KCNIP4: variants seen among roughly 807,000 people sequenced by gnomAD.
The protein encoded by KCNIP4 is Kv channel-interacting protein 4.
A neutral mutation model predicts 34.0 loss-of-function variants in KCNIP4; 12 were observed. The ratio of observed to expected loss-of-function variants is 0.35; its 90% CI spans 0.23 to 0.57. The LOEUF is 0.57. KCNIP4 is among the 20% of genes least tolerant of loss of function. KCNIP4 has a pLI of 0.83. For missense variants in KCNIP4, 238 were observed against 311.7 expected (o/e 0.76, Z 1.78); for synonymous variants, 124 against 102.2 (o/e 1.21, Z -1.29).
intron 1 of KCNIP4, among the ~76,000 whole-genome samples, chr4:21,569,400 A>T (rs1740189100): frequency 6.6e-6 from 1 of 151,996 alleles, no homozygotes; most frequent in South Asian, 2.1e-4. Context: ...AGTGCTAGTG[A>T]AAGAATTATA....
At chr4:21,789,045 C>G (rs1197855294) in intron 1 of KCNIP4, among the ~76,000 whole-genome samples, 1 of 136,632 alleles carries the variant, frequency 7.3e-6, no homozygotes, top group East Asian at 2.1e-4. Context: ...TGCACTCCAG[C>G]CTGGGCAACA....
intron 2 of KCNIP4, among the ~76,000 whole-genome samples, chr4:20,851,896 G>T (rs1490634025): frequency 6.6e-6 from 1 of 152,090 alleles, no homozygotes; most frequent in African/African-American, 2.4e-5. Context: ...CAGATATTTT[G>T]CACAGCTACT....
intron 1 of KCNIP4, among the ~76,000 whole-genome samples, chr4:21,147,974 A>G (rs1444454343): frequency 6.7e-6 from 1 of 149,520 alleles, no homozygotes; most frequent in African/African-American, 2.5e-5. Context: ...AAAAAGTTCA[A>G]GTACTTTGGG....
chr4:21,084,722 C>G lies in KCNIP4; in HGVS notation c.62-202013G>C, dbSNP rs981791018. ...CATCCCCAGTATTGTGGCTCCCCTCCCATCCCTATTTAGATCCTCATCTCT... is the reference window on the plus strand; with the variant it reads ...CATCCCCAGTATTGTGGCTCCCCTCGCATCCCTATTTAGATCCTCATCTCT... On this transcript the variant is annotated intron_variant, in intron 1 of 8. Transcript: ENST00000382152. Among the ~76,000 whole-genome samples, 11 of 151,002 alleles carry G rather than the reference C, an allele frequency of 7.3e-5. 1 individual carries two copies. The highest frequency in any genetic ancestry group is 4.0e-4 in the Admixed American group (6 of 15,120).
rs537192563 is a variant in KCNIP4 at position 21,483,648 on chromosome 4, G to C, written c.61+464923C>G. 3.9e-5 allele frequency among the ~76,000 whole-genome samples: 6 copies of C among 152,188 alleles called. No homozygotes were observed. In the East Asian group the frequency reaches 1.2e-3, roughly 30 times the overall value. On this transcript the variant is annotated intron_variant, in intron 1 of 8. Transcript: ENST00000382152. Reference sequence around the variant, plus strand: ...ACTAAAAATAAAAAAAAATTAGCCAGGTGTGGTGGCACGCACCTGTAATCC... The same window carrying C: ...ACTAAAAATAAAAAAAAATTAGCCACGTGTGGTGGCACGCACCTGTAATCC...
intron 1 of KCNIP4, among the ~76,000 whole-genome samples, chr4:21,606,135 T>TG: frequency 6.6e-6 from 1 of 152,184 alleles, no homozygotes; most frequent in African/African-American, 2.4e-5. Flanking sequence ...GAGGGGAGCT[T>TG]GGGGTGGTGG....
At chr4:21,651,446 C>T (rs1016963265) in intron 1 of KCNIP4, among the ~76,000 whole-genome samples, 3 of 152,176 alleles carry the variant, frequency 2.0e-5, no homozygotes, top group African/African-American at 7.2e-5. Context: ...ATTGTTAATA[C>T]TCCATCTCAC....
intron 1 of KCNIP4, among the ~76,000 whole-genome samples, chr4:21,211,485 A>G (rs1294319801): frequency 6.6e-6 from 1 of 152,092 alleles, no homozygotes; most frequent in Non-Finnish European, 1.5e-5. Context: ...TCCAGGTTGC[A>G]TGCTCCTTAT....
rs897301623 is a variant in KCNIP4, at chr4:21,142,941, G to C, written c.62-260232C>G. On this transcript the variant is annotated intron_variant, in intron 1 of 8. Transcript: ENST00000382152. ...GTTTAGTTCATATCTATATAACATA[G>C]AGAAGTGTGGATCCTGCAAACTAAG... Among the ~76,000 whole-genome samples, 7 of 152,212 alleles carry C rather than the reference G, an allele frequency of 4.6e-5. No homozygotes were observed. In the East Asian group the frequency reaches 5.8e-4, roughly 13 times the overall value.
chr4:21,704,746 T>C (rs554444007), intron 1 of KCNIP4, among the ~76,000 whole-genome samples: 8 of 152,224 alleles, frequency 5.3e-5, no homozygotes, highest in African/African-American at 1.9e-4. Context: ...AAAAACTGGA[T>C]CACTCATACA....
chr4:21,735,887 C>T (rs969038665), intron 1 of KCNIP4, among the ~76,000 whole-genome samples: 1 of 152,200 alleles, frequency 6.6e-6, no homozygotes, highest in Non-Finnish European at 1.5e-5. Context: ...CTAATGAGAG[C>T]TCTTCACCTA....
intron 1 of KCNIP4, among the ~76,000 whole-genome samples, chr4:21,587,349 A>G (rs1741706691): frequency 6.6e-6 from 1 of 152,062 alleles, no homozygotes; most frequent in Non-Finnish European, 1.5e-5. Context: ...TAAGGGATAT[A>G]AAAACACCAC....
intron 1 of KCNIP4, among the ~76,000 whole-genome samples, chr4:21,078,319 T>C (rs1050292182): frequency 2.6e-5 from 4 of 152,118 alleles, no homozygotes; most frequent in African/African-American, 7.2e-5. Flanking sequence ...ACAAACATTA[T>C]GCTGAGTGGT....
At chr4:21,438,116 A>C (rs1210356309) in intron 1 of KCNIP4, among the ~76,000 whole-genome samples, 1 of 152,114 alleles carries the variant, frequency 6.6e-6, no homozygotes, top group Non-Finnish European at 1.5e-5. Flanking sequence ...TTAAAGGCAA[A>C]GTTTCTGTCT....
intron 3 of KCNIP4, among the ~76,000 whole-genome samples, chr4:20,764,553 T>C (rs563314602): frequency 6.6e-5 from 10 of 152,242 alleles, no homozygotes; most frequent in East Asian, 3.9e-4. Flanking sequence ...GTTTAAACCA[T>C]TGAAAGCTCT....
chr4:21,097,492 G>A (rs2109059664), intron 1 of KCNIP4, among the ~76,000 whole-genome samples: 1 of 152,230 alleles, frequency 6.6e-6, no homozygotes, highest in Middle Eastern at 3.4e-3. Flanking sequence ...TGAACAGCAT[G>A]TGCTCATTTA....
intron 1 of KCNIP4, among the ~76,000 whole-genome samples, chr4:21,474,909 G>A (rs1730805451): frequency 6.7e-6 from 1 of 149,842 alleles, no homozygotes; most frequent in African/African-American, 2.5e-5. Flanking sequence ...GCTGAGGCAG[G>A]ACAATCGCTT....
intron 1 of KCNIP4, among the ~76,000 whole-genome samples, chr4:21,577,932 C>T (rs974164136): frequency 6.6e-6 from 1 of 152,160 alleles, no homozygotes; most frequent in Admixed American, 6.5e-5. Context: ...ACTATTCTTA[C>T]ATATATTCTG....
At chr4:21,078,825 C>G (rs894087090) in intron 1 of KCNIP4, among the ~76,000 whole-genome samples, 1 of 152,080 alleles carries the variant, frequency 6.6e-6, no homozygotes, top group Non-Finnish European at 1.5e-5. Context: ...AGTTTCTTCT[C>G]TTGTCCCTGT....
Sources: gnomAD v4.1 joint callset for allele counts (sites outside exome capture counted in the v4.1 genomes callset) on GRCh38, gnomAD v4.1.1 for gene constraint, MANE v1.5 for transcripts, NCBI Gene and HGNC (gene_info 2026-07-23, HGNC 2026-07-21) for gene names.